The following STOX2 variants were observed in gnomAD, a reference collection of about 807,000 sequenced individuals.
STOX2 encodes storkhead box 2, also known as storkhead-box protein 2.
In STOX2, 28 loss-of-function variants were observed where a neutral mutation model predicts 60.9. The ratio of observed to expected loss-of-function variants is 0.46; its 90% CI spans 0.34 to 0.63. The LOEUF is 0.63. Among genes scored for constraint, STOX2 ranks in the 30% least tolerant of loss-of-function variants. The pLI, the probability that STOX2 is intolerant of heterozygous loss-of-function variation, is 0.01. For synonymous variants in STOX2, 472 were observed against 463.9 expected (o/e 1.02, Z -0.22); for missense variants, 1,024 against 1,187.7 (o/e 0.86, Z 2.03).
chr4:183,806,744 C>G lies in STOX2; in HGVS notation c.364+8689C>G, dbSNP rs1205197862. ...ATTGCAACAAAAGGTTATGATGACA[C>G]CTCTGCCTTTCTACTTCTAAATAAG... is the stretch of plus-strand genomic sequence containing the variant. On this transcript the variant is annotated intron_variant, in intron 1 of 2. Transcript: ENST00000513034. This position sits in a 1 kb window ranked among gnomAD's most constrained non-coding sequence, Gnocchi z 4.1. 2.0e-5 allele frequency among the ~76,000 whole-genome samples: 3 copies of G among 152,162 alleles called. No homozygotes were observed. Among genetic ancestry groups the G allele is most frequent in the Admixed American group, 1.3e-4 (2 of 15,282 alleles).
In STOX2 at chr4:184,010,616, C is replaced by G; in HGVS notation, c.1778C>G (p.Thr593Arg). ...PSYGELNSCP[T>R]KTATDDYFQC... ...TATGGCGAACTCAACTCTTGTCCAA[C>G]AAAAACAGCCACAGATGACTATTTC... Residue 593 changes from threonine (T) to arginine (R), a missense_variant, in exon 3 of 4, where the codon ACA becomes AGA. Coordinates refer to ENST00000308497, the MANE Select transcript of STOX2 (RefSeq NM_020225.3). The surrounding 1 kb of genome is among the most constrained non-coding windows in gnomAD (Gnocchi z 4.5). 6.2e-7 allele frequency: 1 copy of G among 1,614,040 alleles called. No homozygotes were observed. Among genetic ancestry groups the G allele is most frequent in the Non-Finnish European group, 8.5e-7 (1 of 1,179,894 alleles).
rs887818002 is a variant in STOX2 at position 184,001,509 on chromosome 4, T to G, written c.319+32T>G. 6.2e-7 allele frequency: 1 copy of G among 1,610,716 alleles called. No homozygotes were observed. Among genetic ancestry groups the G allele is most frequent in the African/African-American group, 1.3e-5 (1 of 74,832 alleles). The stretch of plus-strand genomic sequence containing the variant: ...AGGCGGGAACGTAGCACTTTCCAGG[T>G]GGCGGTGTGCTGTGGTCGCTCTAGG... On this transcript the variant is annotated intron_variant, in intron 2 of 3. Coordinates refer to ENST00000308497, the MANE Select transcript of STOX2 (RefSeq NM_020225.3). The surrounding 1 kb of genome is among the most constrained non-coding windows in gnomAD (Gnocchi z 4.2).
chr4:183,951,136 AC>A (rs572981826), intron 1 of STOX2, among the ~76,000 whole-genome samples: 170 of 149,132 alleles, frequency 1.1e-3, no homozygotes, highest in African/African-American at 3.9e-3. Context: ...GAATGGGTGA[AC>A]CCGGGAGGTG....
intron 1 of STOX2, among the ~76,000 whole-genome samples, chr4:183,876,458 T>C (rs1740831424): frequency 1.3e-5 from 2 of 152,340 alleles, no homozygotes; most frequent in Non-Finnish European, 1.5e-5. Context: ...CGGATAGGCT[T>C]CTTGGTATTC....
Position 183,892,309 on chromosome 4 carries a change from C to A in STOX2, c.364+94254C>A, listed in dbSNP as rs558636246. Among the ~76,000 whole-genome samples, 25 of 152,290 alleles carry A rather than the reference C, an allele frequency of 1.6e-4. No homozygotes were observed. The South Asian group carries it at 5.0e-3, about 30-fold the overall frequency. On this transcript the variant is annotated intron_variant, in intron 1 of 2. Coordinates refer to the STOX2 transcript ENST00000513034. The stretch of plus-strand genomic sequence containing the variant: ...GTGTAATTTTTTTGAGACGGAGTCT[C>A]GCTCTGTCGCCCAGGCTGGAGTGCA...
At chr4:183,953,481 CTG>C (rs1279161832) in intron 1 of STOX2, among the ~76,000 whole-genome samples, 2 of 152,144 alleles carry the variant, frequency 1.3e-5, no homozygotes, top group Admixed American at 6.5e-5. Context: ...AGTGGCAAGA[CTG>C]GGGCCCATTC....
chr4:184,004,365 C>T (rs1023562030), intron 2 of STOX2, among the ~76,000 whole-genome samples: 2 of 152,044 alleles, frequency 1.3e-5, no homozygotes, highest in Non-Finnish European at 2.9e-5. Flanking sequence ...TTTGGGAGGC[C>T]GAGGCGGGCG....
At chr4:183,804,066 T>C (rs1186765285) in intron 1 of STOX2, among the ~76,000 whole-genome samples, 1 of 152,146 alleles carries the variant, frequency 6.6e-6, no homozygotes, top group Non-Finnish European at 1.5e-5. Context: ...TGGGGAGAAA[T>C]GACAGAATAG....
intron 1 of STOX2, among the ~76,000 whole-genome samples, chr4:183,900,032 T>A (rs1408107597): frequency 6.6e-6 from 1 of 152,168 alleles, no homozygotes; most frequent in Non-Finnish European, 1.5e-5. Flanking sequence ...TAATGCTAAA[T>A]CTACTCTGCT....
In STOX2 at chr4:183,968,621, C is replaced by T. The variant is rs75841546; in HGVS notation, c.167-32704C>T. Among the ~76,000 whole-genome samples the T allele has an allele frequency of 8.3e-3, 1,269 of 152,308 alleles. 18 individuals carry two copies. The highest frequency in any genetic ancestry group is 0.029 in the African/African-American group (1,213 of 41,572). On this transcript the variant is annotated intron_variant, in intron 1 of 3. Transcript: ENST00000308497. ...TGGGAGACAGAAATCCTGCCACCTT[C>T]GCTGCTACAAACGCAGGGCTGAAAA...
chr4:184,002,306 A>G (rs1284779066), intron 2 of STOX2, among the ~76,000 whole-genome samples: 2 of 152,266 alleles, frequency 1.3e-5, no homozygotes, highest in East Asian at 1.9e-4. Context: ...GTGTGGACTC[A>G]GCCTGTTTCT....
At chr4:183,921,337 T>C (rs1014547619) in intron 1 of STOX2, among the ~76,000 whole-genome samples, 2 of 152,190 alleles carry the variant, frequency 1.3e-5, no homozygotes, top group African/African-American at 4.8e-5. Flanking sequence ...GATTAAAAAC[T>C]ATAGATGGTT....
intron 1 of STOX2, among the ~76,000 whole-genome samples, chr4:183,804,069 C>T (rs1447298324): frequency 6.6e-6 from 1 of 152,110 alleles, no homozygotes; most frequent in African/African-American, 2.4e-5. Flanking sequence ...GGAGAAATGA[C>T]AGAATAGCTA....
chr4:183,908,420 T>C (rs551541804), intron 1 of STOX2, among the ~76,000 whole-genome samples: 2 of 152,272 alleles, frequency 1.3e-5, no homozygotes, highest in African/African-American at 4.8e-5. Context: ...GGGTTTCATG[T>C]ACTTAGGGTT....
chr4:183,877,879 G>A (rs1560859583), intron 1 of STOX2, among the ~76,000 whole-genome samples: 1 of 151,838 alleles, frequency 6.6e-6, no homozygotes, highest in East Asian at 1.9e-4. Context: ...TAGTAGAGAC[G>A]GGGTCTCACC....
At chr4:183,838,759 T>C (rs1560839269) in intron 1 of STOX2, among the ~76,000 whole-genome samples, 1 of 152,200 alleles carries the variant, frequency 6.6e-6, no homozygotes, top group Non-Finnish European at 1.5e-5. Context: ...GGGTGGAGAC[T>C]GACTGTTGAG....
At chr4:183,957,932 G>A (rs112135965) in intron 1 of STOX2, among the ~76,000 whole-genome samples, 21 of 150,190 alleles carry the variant, frequency 1.4e-4, no homozygotes, top group African/African-American at 4.9e-4. Context: ...AGGGGGGATG[G>A]TAGAATGGTA....
chr4:183,817,407 T>C (rs992015770), intron 1 of STOX2, among the ~76,000 whole-genome samples: 1 of 152,208 alleles, frequency 6.6e-6, no homozygotes, highest in Non-Finnish European at 1.5e-5. Context: ...GGAAGTATGG[T>C]TGCCAGACTA....
At chr4:183,805,722 A>T (rs1054578360) in intron 1 of STOX2, among the ~76,000 whole-genome samples, 1 of 152,214 alleles carries the variant, frequency 6.6e-6, no homozygotes, top group Non-Finnish European at 1.5e-5. Context: ...CTGAGGTGGG[A>T]GGATCGTTTG....
Sources: gnomAD v4.1 joint callset for allele counts (sites outside exome capture counted in the v4.1 genomes callset) on GRCh38, gnomAD v4.1.1 for gene constraint, Gnocchi (gnomAD v3.1) non-coding constraint, MANE v1.5 for transcripts, NCBI Gene and HGNC (gene_info 2026-07-23, HGNC 2026-07-21) for gene names.